The following LARGE1 variants were observed in gnomAD, a reference collection of about 807,000 sequenced individuals.
LARGE1 encodes the protein xylosyl- and glucuronyltransferase LARGE1.
In LARGE1, 43 loss-of-function variants were observed where a neutral mutation model predicts 87.6. The observed-to-expected ratio is 0.49, with a 90% CI of 0.38 to 0.63. The LOEUF (loss-of-function observed/expected upper bound fraction) is 0.63. Among genes scored for constraint, LARGE1 ranks in the 30% least tolerant of loss-of-function variants. The pLI is 0.00. For missense variants in LARGE1, 802 were observed against 1,000.2 expected, an observed-to-expected ratio of 0.80 and a Z score of 2.67; for synonymous variants, 434 against 394.6, an observed-to-expected ratio of 1.10 and a Z score of -1.18.
At chr22:33,126,452 A>T in the LARGE1 span, among the ~76,000 whole-genome samples, 128 of 152,310 alleles carry the variant, frequency 8.4e-4, 2 homozygotes, top group Admixed American at 8.2e-3. Context: ...GCATTCAAAA[A>T]TTTTGTATCG....
chr22:33,491,736 T>A (rs752756603), intron 6 of LARGE1, among the ~76,000 whole-genome samples: 1 of 152,210 alleles, frequency 6.6e-6, no homozygotes, highest in Non-Finnish European at 1.5e-5. Context: ...GGGTAGGTAC[T>A]AAAAGCTTTG....
chr22:33,094,996 G>A, the LARGE1 span, among the ~76,000 whole-genome samples: 1 of 152,214 alleles, frequency 6.6e-6, no homozygotes, highest in South Asian at 2.1e-4. Context: ...TGGGATTACA[G>A]GCATGAGCCA....
intron 5 of LARGE1, among the ~76,000 whole-genome samples, chr22:33,593,992 C>T (rs1373532102): frequency 6.6e-6 from 1 of 152,122 alleles, no homozygotes; most frequent in African/African-American, 2.4e-5. Flanking sequence ...TCAGTTTCCT[C>T]GCCAGGAAAT....
At position 33,564,301 on chromosome 22, in the gene LARGE1, T is replaced by C. The variant is rs192430376; in HGVS notation, c.787+547A>G. ...ACTGAGCTCACAATTTCCCCCTAGG[T>C]ACTCTCATATACCTTGAGGCCGTGA... is the stretch of plus-strand genomic sequence containing the variant. On this transcript the variant is annotated intron_variant, in intron 6 of 14. Coordinates refer to ENST00000397394, the MANE Select transcript of LARGE1 (RefSeq NM_133642.5). Among the ~76,000 whole-genome samples, 673 of 152,252 alleles carry C rather than the reference T, an allele frequency of 4.4e-3. 15 individuals are homozygous for C. Among genetic ancestry groups the C allele is most frequent in the Admixed American group, 0.035 (542 of 15,302 alleles).
chr22:33,468,220 C>T (rs777461397), intron 6 of LARGE1, among the ~76,000 whole-genome samples: 1 of 152,198 alleles, frequency 6.6e-6, no homozygotes, highest in Non-Finnish European at 1.5e-5. Flanking sequence ...CTGCACAATT[C>T]ACCCCTCTCA....
intron 9 of LARGE1, among the ~76,000 whole-genome samples, chr22:33,351,666 G>C (rs1253110587): frequency 6.6e-6 from 1 of 152,060 alleles, no homozygotes; most frequent in African/African-American, 2.4e-5. Flanking sequence ...CCTTTGCGAG[G>C]AGATGGATCT....
intron 2 of LARGE1, among the ~76,000 whole-genome samples, chr22:33,760,010 C>T (rs1453058583): frequency 6.6e-6 from 1 of 152,168 alleles, no homozygotes; most frequent in African/African-American, 2.4e-5. Context: ...CACAGTTTCA[C>T]CTTGTTTATA....
rs1204914585 is a variant in LARGE1 at position 33,626,326 on chromosome 22, T to C, written c.409A>G (p.Thr137Ala). 6.2e-7 allele frequency: 1 copy of C among 1,613,752 alleles called. No individual in the cohort carries two copies. Among genetic ancestry groups the C allele is most frequent in the Non-Finnish European group, 8.5e-7 (1 of 1,179,752 alleles). ...GCGCAGACAATAGCAACGTGGATTG[T>C]CTGGGAAGAAAAGAAGACGGGGTGA... ...GQQPVVEKCE[T>A]IHVAIVCAGY... The change falls in exon 4 of 15, where the codon ACA (threonine) becomes GCA (alanine). Residue 137 changes from threonine (T) to alanine (A), a missense_variant and splice_region_variant. By Grantham distance (58) the Thr-to-Ala change is moderately conservative. This residue lies in a region of LARGE1 where 625 missense variants were observed against 841.9 expected (regional missense o/e 0.74). Coordinates refer to ENST00000397394, the MANE Select transcript of LARGE1 (RefSeq NM_133642.5).
At chr22:33,463,086 TGAA>T (rs1380121689) in intron 6 of LARGE1, among the ~76,000 whole-genome samples, 2 of 151,700 alleles carry the variant, frequency 1.3e-5, no homozygotes, top group Admixed American at 1.3e-4. Flanking sequence ...AAAGGAGAAA[TGAA>T]GAAATCTAAA....
At chr22:33,573,177 G>A (rs534696093) in intron 5 of LARGE1, among the ~76,000 whole-genome samples, 61 of 152,244 alleles carry the variant, frequency 4.0e-4, no homozygotes, top group South Asian at 8.3e-4. Context: ...GCTGTTGCAC[G>A]CCTGTAATCC....
intron 2 of LARGE1, among the ~76,000 whole-genome samples, chr22:33,757,904 G>C (rs1394803250): frequency 6.6e-6 from 1 of 152,194 alleles, no homozygotes; most frequent in Non-Finnish European, 1.5e-5. Context: ...CATTGCCTTT[G>C]TGTTCTGATA....
intron 3 of LARGE1, among the ~76,000 whole-genome samples, chr22:33,638,534 G>T (rs1433991282): frequency 2.6e-5 from 4 of 152,150 alleles, no homozygotes; most frequent in Non-Finnish European, 2.9e-5. Flanking sequence ...AAGGATCTGG[G>T]CTCAGCAGCT....
chr22:33,323,842 A>C (rs1302716763), intron 10 of LARGE1, among the ~76,000 whole-genome samples: 2 of 152,156 alleles, frequency 1.3e-5, no homozygotes, highest in African/African-American at 2.4e-5. Context: ...TGTGGTTATG[A>C]TTATATTATG....
chr22:33,319,783 C>CT (rs1936539517), intron 10 of LARGE1, among the ~76,000 whole-genome samples: 1 of 152,016 alleles, frequency 6.6e-6, no homozygotes, highest in Non-Finnish European at 1.5e-5. Context: ...GTGGGGGGCA[C>CT]TTTTTTATTA....
At chr22:33,257,480 G>A (rs5754501) in intron 11 of LARGE1, among the ~76,000 whole-genome samples, 91,691 of 151,836 alleles carry the variant, frequency 0.6, 30,372 homozygotes, top group Non-Finnish European at 0.72. Flanking sequence ...AAAAAGGCAG[G>A]GGGGTGGGAG....
At chr22:33,649,797 G>A (rs1265290528) in intron 3 of LARGE1, among the ~76,000 whole-genome samples, 1 of 152,170 alleles carries the variant, frequency 6.6e-6, no homozygotes, top group East Asian at 1.9e-4. Flanking sequence ...AGGAAATAGA[G>A]GACAATAAAT....
intron 1 of LARGE1, among the ~76,000 whole-genome samples, chr22:33,902,412 C>T (rs115698876): frequency 0.016 from 2,439 of 152,268 alleles, 70 homozygotes; most frequent in African/African-American, 0.055. Flanking sequence ...CTCAGAGTAT[C>T]GCAGAGAAGC....
chr22:33,205,948 CTT>C (rs386395258), intron 11 of LARGE1, among the ~76,000 whole-genome samples: 2,747 of 84,948 alleles, frequency 0.032, 54 homozygotes, highest in African/African-American at 0.12. Flanking sequence ...CATGCTAATT[CTT>C]TTTTTTTTTT....
intron 1 of LARGE1, among the ~76,000 whole-genome samples, chr22:33,878,088 CTAAAATATT>C (rs1388476982): frequency 2.2e-5 from 3 of 139,070 alleles, no homozygotes; most frequent in Admixed American, 7.5e-5. Context: ...AATATGACCA[CTAAAATATT>C]TAAAATTATG....
Sources: allele counts gnomAD v4.1 joint callset (sites outside exome capture counted in the v4.1 genomes callset), GRCh38; gene constraint gnomAD v4.1.1; regional missense constraint gnomAD v4.1.1; transcripts MANE v1.5; gene names NCBI Gene and HGNC (gene_info 2026-07-23, HGNC 2026-07-21).